Variants in ANKRD61 observed in about 807,000 individuals in gnomAD.
The protein encoded by ANKRD61 is ankyrin repeat domain 61.
Under a neutral mutation model 8.4 loss-of-function variants are expected in ANKRD61, and 7 were observed. The ratio of observed to expected loss-of-function variants is 0.84; its 90% CI spans 0.48 to 1.57. The LOEUF (loss-of-function observed/expected upper bound fraction) is 1.57. Among genes scored for constraint, ANKRD61 ranks in the 40% most tolerant of loss-of-function variants. The pLI, the probability that ANKRD61 is intolerant of heterozygous loss-of-function variation, is 0.00. For missense variants in ANKRD61, 516 were observed against 523.4 expected (o/e 0.99, Z 0.14); for synonymous variants, 198 against 208.0 (o/e 0.95, Z 0.41).
rs1043069281 is a variant in ANKRD61, at chr7:6,034,975, C to T, written c.315-469C>T. Among the ~76,000 whole-genome samples, 5 of 152,212 alleles carry T rather than the reference C, an allele frequency of 3.3e-5. No homozygotes were observed. In the East Asian group the frequency reaches 5.8e-4, roughly 18 times the overall value. On this transcript the variant is annotated intron_variant, in intron 2 of 2. Transcript: ENST00000409061. Reference sequence around the variant, plus strand: ...GAGTCAACGGGAGTTCGGGCCTTCACGGCTCACTTCTGTGGCAATAACAGA... The same window carrying T: ...GAGTCAACGGGAGTTCGGGCCTTCATGGCTCACTTCTGTGGCAATAACAGA...
intron 1 of ANKRD61, 100 bp downstream of exon 1, chr7:6,031,691 T>A: frequency 8.3e-7 from 1 of 1,210,012 alleles, no homozygotes; most frequent in East Asian, 2.6e-5. Flanking sequence ...ACGGCCCTTA[T>A]GAGAATGAGA....
Position 6,036,443 on chromosome 7 carries a change from C to A in ANKRD61, c.*57C>A. On this transcript the variant is annotated 3_prime_UTR_variant, in exon 3 of 3. Coordinates refer to ENST00000409061, the MANE Select transcript of ANKRD61 (RefSeq NM_001271700.2). This position sits in a 1 kb window ranked among gnomAD's most constrained non-coding sequence, Gnocchi z 4.6. ...CTTTCAGCCACTCAAACTGCATTTT[C>A]TGGCTAGACATGTCCCAGAAAATGC... The A allele has an allele frequency of 7.7e-7, 1 of 1,298,802 alleles. No homozygotes were observed. The allele number at this position is 1,298,802 out of a possible 1,614,324, so 80.5% of individuals were successfully genotyped here.
At position 6,035,595 on chromosome 7, in the gene ANKRD61, G is replaced by T. The variant is rs774276826; in HGVS notation, c.466G>T (p.Gly156Ter). Residue 156 changes from glycine (G) to a stop codon, truncating the protein, a stop_gained, in exon 3 of 3, where the codon GGA (glycine) becomes TGA (stop). Transcript: ENST00000409061. LOFTEE classifies it low-confidence loss of function (END_TRUNC). The surrounding 1 kb of genome is among the most constrained non-coding windows in gnomAD (Gnocchi z 5.5). ...ITCLRILCAH[G>*]AQVNTQGEIS... ...ATGTCTCCGCATCTTGTGTGCGCACGGAGCTCAAGTGAACACTCAAGGGGA... is the reference window on the plus strand; with the variant it reads ...ATGTCTCCGCATCTTGTGTGCGCACTGAGCTCAAGTGAACACTCAAGGGGA... 4 of 1,551,026 alleles carry T rather than the reference G, an allele frequency of 2.6e-6. No individual in the cohort carries two copies. In the South Asian group the frequency reaches 3.6e-5, roughly 14 times the overall value.
In ANKRD61 at chr7:6,032,246, T is replaced by C. The variant is rs1487638078; in HGVS notation, c.217-593T>C. Among the ~76,000 whole-genome samples the C allele has an allele frequency of 6.6e-6, 1 of 152,240 alleles. No homozygotes were observed. Among genetic ancestry groups the C allele is most frequent in the Admixed American group, 6.5e-5 (1 of 15,276 alleles). ...TTTCATTTTCTAAATTTTTATACAA[T>C]GATTATTACTTTTACAATTAAATTC... On this transcript the variant is annotated intron_variant, in intron 1 of 2. Coordinates refer to ENST00000409061, the MANE Select transcript of ANKRD61 (RefSeq NM_001271700.2). The surrounding 1 kb of genome is among the most constrained non-coding windows in gnomAD (Gnocchi z 4.3).
rs931408634 is a variant in ANKRD61, at chr7:6,033,403, C to A, written c.314+467C>A. ...ATGTCTTTACTGAGTAGATGAGATA[C>A]TCTGAAAAACTGAGAAAAATGCAAC... On this transcript the variant is annotated intron_variant, in intron 2 of 2. Transcript: ENST00000409061. This position sits in a 1 kb window ranked among gnomAD's most constrained non-coding sequence, Gnocchi z 4.4. 6.6e-6 allele frequency among the ~76,000 whole-genome samples: 1 copy of A among 152,034 alleles called. No homozygotes were observed. The highest frequency in any genetic ancestry group is 2.1e-4 in the South Asian group (1 of 4,828).
Position 6,035,877 on chromosome 7 carries a change from G to T in ANKRD61, c.748G>T (p.Ala250Ser), listed in dbSNP as rs1184542569. The change falls in exon 3 of 3, where the codon GCA (alanine) becomes TCA (serine). Residue 250 changes from alanine (A) to serine (S), a missense_variant. Ala to Ser is a moderately conservative substitution (Grantham distance 99, BLOSUM62 1). Coordinates refer to ENST00000409061, the MANE Select transcript of ANKRD61 (RefSeq NM_001271700.2). This position sits in a 1 kb window ranked among gnomAD's most constrained non-coding sequence, Gnocchi z 5.5. ...KLAVCTASSK[A>S]GRLLGAGVSC... is the part of the protein sequence containing the mutation. ...TGCAGTGTGCACTGCATCAAGCAAA[G>T]CAGGCCGACTCCTCGGGGCGGGGGT... 3 of 1,547,218 alleles carry T rather than the reference G, an allele frequency of 1.9e-6. No individual in the cohort carries two copies. In the South Asian group the frequency reaches 3.6e-5, roughly 19 times the overall value.
Position 6,032,904 on chromosome 7 carries a change from C to T in ANKRD61, c.282C>T (p.Cys94=), listed in dbSNP as rs1787958068. The T allele has an allele frequency of 6.4e-7, 1 of 1,550,954 alleles. No individual in the cohort carries two copies. Among genetic ancestry groups the T allele is most frequent in the South Asian group, 1.2e-5 (1 of 84,046 alleles). Residue 94 remains cysteine, a synonymous_variant, in exon 2 of 3, where the codon TGC becomes TGT. Coordinates refer to ENST00000409061, the MANE Select transcript of ANKRD61 (RefSeq NM_001271700.2). This position sits in a 1 kb window ranked among gnomAD's most constrained non-coding sequence, Gnocchi z 4.3. ...ACCACAAGGCCCAGAGTCTGCTCTG[C>T]CTGTTACGGCACGGTGCTGACCCAG... ...AKYHKAQSLL[C]LLRHGADPEV...
chr7:6,035,478 C>G lies in ANKRD61; in HGVS notation c.349C>G (p.Leu117Val). Residue 117 changes from leucine to valine, a missense_variant, in exon 3 of 3, where the codon CTA (leucine) becomes GTA (valine). Physicochemically the swap from Leu to Val is conservative, Grantham distance 32. Coordinates refer to ENST00000409061, the MANE Select transcript of ANKRD61 (RefSeq NM_001271700.2). The surrounding 1 kb of genome is among the most constrained non-coding windows in gnomAD (Gnocchi z 5.5). ...TTGLTTLNLM[L>V]LHWPVTSTTW... ...AGGCCTCACCACACTCAACTTAATGCTACTGCACTGGCCAGTCACTTCCAC... is the reference window on the plus strand; with the variant it reads ...AGGCCTCACCACACTCAACTTAATGGTACTGCACTGGCCAGTCACTTCCAC... 6.4e-7 allele frequency: 1 copy of G among 1,550,910 alleles called. No individual in the cohort carries two copies. Among genetic ancestry groups the G allele is most frequent in the Non-Finnish European group, 8.7e-7 (1 of 1,147,052 alleles).
chr7:6,033,064 G>A lies in ANKRD61; in HGVS notation c.314+128G>A, dbSNP rs1787963598. The A allele has an allele frequency of 1.4e-6, 1 of 716,684 alleles. No homozygotes were observed. The highest frequency in any genetic ancestry group is 3.2e-5 in the East Asian group (1 of 31,744). 44.4% of individuals were successfully genotyped at this position (716,684 alleles called of 1,614,324 possible). On this transcript the variant is annotated intron_variant, in intron 2 of 2. Coordinates refer to ENST00000409061, the MANE Select transcript of ANKRD61 (RefSeq NM_001271700.2). The surrounding 1 kb of genome is among the most constrained non-coding windows in gnomAD (Gnocchi z 4.4). ...CCTCACTGCAACCTCTACTTCCTGG[G>A]TTCAAGAGCTTCTCCCACCTCAGCC... is the stretch of plus-strand genomic sequence containing the variant.
chr7:6,036,526 C>A lies in ANKRD61; in HGVS notation c.*140C>A. The A allele has an allele frequency of 2.0e-6, 1 of 508,244 alleles. No individual in the cohort carries two copies. Among genetic ancestry groups the A allele is most frequent in the Non-Finnish European group, 3.2e-6 (1 of 316,160 alleles). The allele number at this position is 508,244 out of a possible 1,614,324, so 31.5% of individuals were successfully genotyped here. A position where few individuals can be genotyped will look rare whatever the true frequency, so the allele number is the denominator to read the frequency against. On this transcript the variant is annotated 3_prime_UTR_variant, in exon 3 of 3. Coordinates refer to ENST00000409061, the MANE Select transcript of ANKRD61 (RefSeq NM_001271700.2). The surrounding 1 kb of genome is among the most constrained non-coding windows in gnomAD (Gnocchi z 4.6). Reference sequence around the variant, plus strand: ...AAACTACTGATTCTTGAACATGTTCCAAAATACAAAGTGATTTGTCTATTA... The same window carrying A: ...AAACTACTGATTCTTGAACATGTTCAAAAATACAAAGTGATTTGTCTATTA...
At chr7:6,031,766 CAT>C (rs750073558) in intron 1 of ANKRD61, among the ~76,000 whole-genome samples, 175 bp downstream of exon 1, 5 of 152,212 alleles carry the variant, frequency 3.3e-5, no homozygotes, top group South Asian at 2.1e-4. Context: ...CTCCCCTACA[CAT>C]GTCACACACA....
rs1250656735 is a variant in ANKRD61 at position 6,036,257 on chromosome 7, A to G, written c.1128A>G (p.Leu376=). ...AGCAATCGCAAAAACCTTTATCCCTACAGGGTATCTGCAAAAGAAACATCA... is the reference window on the plus strand; with the variant it reads ...AGCAATCGCAAAAACCTTTATCCCTGCAGGGTATCTGCAAAAGAAACATCA... ...LIKQSQKPLS[L]QGICKRNIRN... The change falls in exon 3 of 3, where the codon CTA becomes CTG. Residue 376 remains leucine, a synonymous_variant. Coordinates refer to ENST00000409061, the MANE Select transcript of ANKRD61 (RefSeq NM_001271700.2). This position sits in a 1 kb window ranked among gnomAD's most constrained non-coding sequence, Gnocchi z 4.6. 2 of 1,550,106 alleles carry G rather than the reference A, an allele frequency of 1.3e-6. No homozygotes were observed. The highest frequency in any genetic ancestry group is 1.7e-6 in the Non-Finnish European group (2 of 1,146,946).
Position 6,035,888 on chromosome 7 carries a change from C to T in ANKRD61, c.759C>T (p.Leu253=). Residue 253 remains leucine (L), a synonymous_variant, in exon 3 of 3, where the codon CTC becomes CTT. Transcript: ENST00000409061. The surrounding 1 kb of genome is among the most constrained non-coding windows in gnomAD (Gnocchi z 5.5). The stretch of plus-strand genomic sequence containing the variant: ...CTGCATCAAGCAAAGCAGGCCGACT[C>T]CTCGGGGCGGGGGTCAGCTGCATCC... The part of the protein sequence containing the change: ...VCTASSKAGR[L]LGAGVSCIRL... 4 of 1,546,810 alleles carry T rather than the reference C, an allele frequency of 2.6e-6. No individual in the cohort carries two copies. In the East Asian group the frequency reaches 7.3e-5, roughly 28 times the overall value.
Position 6,035,347 on chromosome 7 carries a change from T to TA in ANKRD61, c.315-96dup. 3 of 1,176,476 alleles carry TA rather than the reference T, an allele frequency of 2.5e-6. No homozygotes were observed. The highest frequency in any genetic ancestry group is 3.6e-6 in the Non-Finnish European group (3 of 840,950). 72.9% of individuals were successfully genotyped at this position (1,176,476 alleles called of 1,614,324 possible). A position where few individuals can be genotyped will look rare whatever the true frequency, so the allele number is the denominator to read the frequency against. On this transcript the variant is annotated intron_variant, in intron 2 of 2. Transcript: ENST00000409061. The surrounding 1 kb of genome is among the most constrained non-coding windows in gnomAD (Gnocchi z 5.5). Reference sequence around the variant, plus strand: ...CGTCCTTAAGGTAATTGAAGGGTCTTACTTTAAATAAATACTGGCTTCTTA... The same window carrying TA: ...CGTCCTTAAGGTAATTGAAGGGTCTTAACTTTAAATAAATACTGGCTTCTTA...
At chr7:6,031,675 AAGCTCACGGCCCTT>A in intron 1 of ANKRD61, 84 bp downstream of exon 1, 1 of 1,354,936 alleles carries the variant, frequency 7.4e-7, no homozygotes, top group East Asian at 2.5e-5. Context: ...TGAACCCACT[AAGCTCACGGCCCTT>A]ATGAGAATGA....
In ANKRD61 at chr7:6,031,403, A is replaced by C. The variant is rs767284607; in HGVS notation, c.28A>C (p.Arg10=). 3.5e-4 allele frequency: 541 copies of C among 1,550,700 alleles called. 1 individual carries two copies. The highest frequency in any genetic ancestry group is 4.6e-4 in the Non-Finnish European group (526 of 1,147,054). Residue 10 remains arginine (R), a synonymous_variant, in exon 1 of 3, where the codon AGA becomes CGA. Coordinates refer to ENST00000409061, the MANE Select transcript of ANKRD61 (RefSeq NM_001271700.2). MGNITRKGS[R]DLVVDSAKSL... ...GGGGAATATAACCAGGAAAGGAAGC[A>C]GAGACCTGGTGGTTGACAGTGCCAA...
In ANKRD61 at chr7:6,032,799, C is replaced by T; in HGVS notation, c.217-40C>T. 3 of 1,495,106 alleles carry T rather than the reference C, an allele frequency of 2.0e-6. No individual in the cohort carries two copies. Among genetic ancestry groups the T allele is most frequent in the Non-Finnish European group, 2.7e-6 (3 of 1,097,542 alleles). 92.6% of individuals were successfully genotyped at this position (1,495,106 alleles called of 1,614,324 possible). A position where few individuals can be genotyped will look rare whatever the true frequency, so the allele number is the denominator to read the frequency against. ...CTAACACAAACAGTATTTTTAACTA[C>T]ACAGGGCCACTTGTAATGTGTTTTG... On this transcript the variant is annotated intron_variant, in intron 1 of 2. Coordinates refer to ENST00000409061, the MANE Select transcript of ANKRD61 (RefSeq NM_001271700.2). The surrounding 1 kb of genome is among the most constrained non-coding windows in gnomAD (Gnocchi z 4.3).
chr7:6,032,964 CTTT>C lies in ANKRD61; in HGVS notation c.314+35_314+37del. The stretch of plus-strand genomic sequence containing the variant: ...AAGTTAACTCCACCGAAAATCATTT[CTTT>C]TTTTTTCTTTTTTGTTTTGAGGCAG... On this transcript the variant is annotated intron_variant, in intron 2 of 2. Coordinates refer to ENST00000409061, the MANE Select transcript of ANKRD61 (RefSeq NM_001271700.2). This position sits in a 1 kb window ranked among gnomAD's most constrained non-coding sequence, Gnocchi z 4.3. 4 of 1,512,454 alleles carry C rather than the reference CTTT, an allele frequency of 2.6e-6. No homozygotes were observed. Among genetic ancestry groups the C allele is most frequent in the Non-Finnish European group, 3.6e-6 (4 of 1,116,618 alleles). 93.7% of individuals were successfully genotyped at this position (1,512,454 alleles called of 1,614,324 possible). A position where few individuals can be genotyped will look rare whatever the true frequency, so the allele number is the denominator to read the frequency against.
Position 6,035,313 on chromosome 7 carries a change from T to A in ANKRD61, c.315-131T>A, listed in dbSNP as rs1047709290. The A allele has an allele frequency of 1.6e-5, 15 of 956,772 alleles. No individual in the cohort carries two copies. The Admixed American group carries it at 3.8e-4, about 24-fold the overall frequency. 59.3% of individuals were successfully genotyped at this position (956,772 alleles called of 1,614,324 possible). A position where few individuals can be genotyped will look rare whatever the true frequency, so the allele number is the denominator to read the frequency against. On this transcript the variant is annotated intron_variant, in intron 2 of 2. Transcript: ENST00000409061. This position sits in a 1 kb window ranked among gnomAD's most constrained non-coding sequence, Gnocchi z 5.5. ...TGAGAAACTACCCAGCGATACAGAT[T>A]TTGAAACACGTCCTTAAGGTAATTG...
Sources: allele counts gnomAD v4.1 joint callset (sites outside exome capture counted in the v4.1 genomes callset), GRCh38; gene constraint gnomAD v4.1.1; non-coding constraint Gnocchi (gnomAD v3.1); transcripts MANE v1.5; gene names NCBI Gene and HGNC (gene_info 2026-07-23, HGNC 2026-07-21).